The following MINDY4 variants were observed in gnomAD, a reference collection of about 807,000 sequenced individuals.
The protein encoded by MINDY4 is MINDY lysine 48 deubiquitinase 4.
In MINDY4, 68 loss-of-function variants were observed where a neutral mutation model predicts 87.0. The ratio of observed to expected loss-of-function variants is 0.78; its 90% CI spans 0.64 to 0.96. MINDY4 has a LOEUF of 0.96. Ranked by LOEUF, MINDY4 falls within the 40% of genes least tolerant of loss-of-function variation. The probability of loss-of-function intolerance (pLI) is 0.00; values close to 1 mark genes in which losing one functional copy is unlikely to be tolerated. For synonymous variants in MINDY4, 379 were observed against 363.2 expected (o/e 1.04, Z -0.50); for missense variants, 919 against 928.2 (o/e 0.99, Z 0.13).
chr7:30,779,603 C>G (rs759424734), intron 2 of MINDY4: 3 of 152,206 alleles, frequency 2.0e-5, no homozygotes, highest in Non-Finnish European at 2.9e-5. Flanking sequence ...CTTGCTTTAT[C>G]GTCTAGCCTC....
At chr7:30,806,596 G>C (rs1295993145) in intron 5 of MINDY4, among the ~76,000 whole-genome samples, 1 of 152,258 alleles carries the variant, frequency 6.6e-6, no homozygotes, top group Non-Finnish European at 1.5e-5. Context: ...AAAGAGAAAT[G>C]TTCAGGTTAG....
At chr7:30,884,941 T>G (rs1349144957) in intron 17 of MINDY4, among the ~76,000 whole-genome samples, 1 of 152,134 alleles carries the variant, frequency 6.6e-6, no homozygotes, top group Non-Finnish European at 1.5e-5. Context: ...TTCCTTCCCC[T>G]GCCCCTTGTT....
chr7:30,799,326 T>C (rs758102962), intron 5 of MINDY4, among the ~76,000 whole-genome samples: 1 of 152,202 alleles, frequency 6.6e-6, no homozygotes, highest in African/African-American at 2.4e-5. Flanking sequence ...CAGGGTCCTG[T>C]GACTTTGGAG....
At chr7:30,809,556 A>T (rs1402981408) in intron 5 of MINDY4, among the ~76,000 whole-genome samples, 1 of 152,124 alleles carries the variant, frequency 6.6e-6, no homozygotes, top group African/African-American at 2.4e-5. Flanking sequence ...GAAGGAAAAA[A>T]AAAAAAGCCA....
At chr7:30,825,240 C>CA (rs1788463516) in intron 5 of MINDY4, among the ~76,000 whole-genome samples, 1 of 152,160 alleles carries the variant, frequency 6.6e-6, no homozygotes, top group Non-Finnish European at 1.5e-5. Context: ...GCTTATGCCA[C>CA]AAAGAGACAC....
rs1790810745 is a variant in MINDY4, at chr7:30,892,177, G to C, written c.*172G>C. ...TTCCATGAAGGGCCCACCCAAGACT[G>C]TGCTGGGGACCCAGTGTGTTGCTGG... On this transcript the variant is annotated 3_prime_UTR_variant, in exon 18 of 18. Transcript: ENST00000265299. The C allele has an allele frequency of 1.5e-6, 1 of 647,096 alleles. No individual in the cohort carries two copies. 40.1% of individuals were successfully genotyped at this position (647,096 alleles called of 1,614,324 possible). A position where few individuals can be genotyped will look rare whatever the true frequency, so the allele number is the denominator to read the frequency against.
At position 30,771,442 on chromosome 7, in the gene MINDY4, C is replaced by T. The variant is rs1341461018; in HGVS notation, c.-52C>T. 5 of 1,569,678 alleles carry T rather than the reference C, an allele frequency of 3.2e-6. No homozygotes were observed. In the Admixed American group the frequency reaches 5.7e-5, roughly 18 times the overall value. On this transcript the variant is annotated 5_prime_UTR_variant, in exon 1 of 18. Coordinates refer to ENST00000265299, the MANE Select transcript of MINDY4 (RefSeq NM_032222.3). ...ATACTGCGCCGGACAGACCCAGTTG[C>T]CTGGTGCTGCGGCCCGGCGTGGGCC...
intron 12 of MINDY4, among the ~76,000 whole-genome samples, chr7:30,854,836 A>G (rs1474801867): frequency 6.6e-6 from 1 of 152,212 alleles, no homozygotes; most frequent in Non-Finnish European, 1.5e-5. Context: ...AAAAGGAGGC[A>G]GGTGAGGTCA....
chr7:30,850,648 C>T (rs1789387512), intron 10 of MINDY4, 93 bp downstream of exon 10: 1 of 1,106,534 alleles, frequency 9.0e-7, no homozygotes, highest in Admixed American at 2.0e-5. Context: ...TTGGGTCCTT[C>T]CGTTACCCAC....
chr7:30,866,158 G>A (rs1243161547), intron 13 of MINDY4, among the ~76,000 whole-genome samples: 1 of 152,156 alleles, frequency 6.6e-6, no homozygotes, highest in East Asian at 1.9e-4. Context: ...TGAGAAGGGG[G>A]GCCACACCCA....
At chr7:30,853,485 G>A in intron 12 of MINDY4, 26 bp downstream of exon 12, 1 of 1,576,126 alleles carries the variant, frequency 6.3e-7, no homozygotes, top group South Asian at 1.1e-5. Flanking sequence ...TACTCCTGTG[G>A]GATGTGCGTC....
intron 17 of MINDY4, among the ~76,000 whole-genome samples, chr7:30,886,738 C>T (rs559530033): frequency 3.9e-4 from 60 of 152,342 alleles, no homozygotes; most frequent in Non-Finnish European, 5.9e-5. Context: ...TTCAAACCAT[C>T]CCAGACCCCA....
At chr7:30,887,903 C>T (rs1790680913) in intron 17 of MINDY4, among the ~76,000 whole-genome samples, 1 of 152,228 alleles carries the variant, frequency 6.6e-6, no homozygotes, top group African/African-American at 2.4e-5. Flanking sequence ...ACCCACGTGG[C>T]TCATCCTAGA....
chr7:30,808,966 A>G (rs545791427), intron 5 of MINDY4, among the ~76,000 whole-genome samples: 48 of 152,032 alleles, frequency 3.2e-4, no homozygotes, highest in Admixed American at 2.8e-3. Flanking sequence ...AGGCAGAGAG[A>G]GAGAAAGAGA....
chr7:30,857,526 G>A (rs1182201906), intron 12 of MINDY4, among the ~76,000 whole-genome samples: 2 of 58,414 alleles, frequency 3.4e-5, no homozygotes, highest in Non-Finnish European at 5.0e-5. Flanking sequence ...AGGCTGGAGT[G>A]CAGTGGCGCG....
chr7:30,836,462 T>C (rs1275087602), intron 6 of MINDY4, among the ~76,000 whole-genome samples, 196 bp from the exon 7 acceptor site: 1 of 152,248 alleles, frequency 6.6e-6, no homozygotes, highest in African/African-American at 2.4e-5. Flanking sequence ...GCATGGACTC[T>C]CTTGATCTGG....
intron 13 of MINDY4, among the ~76,000 whole-genome samples, chr7:30,868,089 CCTT>C (rs1789994721): frequency 6.6e-6 from 1 of 152,226 alleles, no homozygotes; most frequent in Non-Finnish European, 1.5e-5. Context: ...GACTTACTTT[CCTT>C]CTTATTCAGA....
At chr7:30,875,383 C>T in intron 14 of MINDY4, 112 bp from the exon 15 acceptor site, 3 of 1,210,850 alleles carry the variant, frequency 2.5e-6, no homozygotes, top group Non-Finnish European at 3.6e-6. Flanking sequence ...AGGCTCTCTC[C>T]CTCCTTGCTT....
chr7:30,877,506 G>A (rs1790298760), intron 15 of MINDY4, among the ~76,000 whole-genome samples: 1 of 152,064 alleles, frequency 6.6e-6, no homozygotes, highest in Admixed American at 6.6e-5. Flanking sequence ...CCCTGCGGTA[G>A]GTGGATGCTT....
Sources: gnomAD v4.1 joint callset for allele counts (sites outside exome capture counted in the v4.1 genomes callset) on GRCh38, gnomAD v4.1.1 for gene constraint, MANE v1.5 for transcripts, NCBI Gene and HGNC (gene_info 2026-07-23, HGNC 2026-07-21) for gene names.